Variants in EEF2K observed in about 807,000 individuals in gnomAD.
EEF2K encodes alternative protein EEF2K.
A neutral mutation model predicts 93.8 loss-of-function variants in EEF2K; 70 were observed. The ratio of observed to expected loss-of-function variants is 0.75; its 90% CI spans 0.62 to 0.91. EEF2K has a LOEUF of 0.91. Ranked by LOEUF, EEF2K falls within the 40% of genes least tolerant of loss-of-function variation. The pLI, the probability that EEF2K is intolerant of heterozygous loss-of-function variation, is 0.00. For missense variants in EEF2K, 935 were observed against 972.9 expected, an observed-to-expected ratio of 0.96 and a Z score of 0.52; for synonymous variants, 376 against 380.8, an observed-to-expected ratio of 0.99 and a Z score of 0.15.
chr16:22,243,798 C>G (rs995814721), intron 2 of EEF2K, among the ~76,000 whole-genome samples: 1 of 150,920 alleles, frequency 6.6e-6, no homozygotes, highest in East Asian at 2.0e-4. Context: ...TGGTGTGCAC[C>G]TGTAGGTCCA....
intron 2 of EEF2K, among the ~76,000 whole-genome samples, chr16:22,237,102 G>A (rs1022846150): frequency 1.3e-5 from 2 of 150,968 alleles, no homozygotes; most frequent in African/African-American, 2.4e-5. Flanking sequence ...ACGTCACCAC[G>A]CCCAGCTAAT....
At position 22,264,876 on chromosome 16, in the gene EEF2K, G is replaced by A; in HGVS notation, c.1436G>A (p.Gly479Glu). The A allele has an allele frequency of 6.2e-7, 1 of 1,614,042 alleles. No homozygotes were observed. The highest frequency in any genetic ancestry group is 8.5e-7 in the Non-Finnish European group (1 of 1,179,978). Reference protein sequence around the residue: ...ESDEDSLGSSGRVCVEKWNLL... With the variant: ...ESDEDSLGSSERVCVEKWNLL... ...GACGAAGACAGCCTGGGCAGCTCTG[G>A]ACGGGTAATGCGCCCTGAGGCACCC... Residue 479 changes from glycine to glutamate, a missense_variant, in exon 13 of 18, where the codon GGA (glycine) becomes GAA (glutamate). Coordinates refer to ENST00000263026, the MANE Select transcript of EEF2K (RefSeq NM_013302.5).
intron 16 of EEF2K, among the ~76,000 whole-genome samples, 166 bp downstream of exon 16, chr16:22,273,916 G>A (rs1244368106): frequency 2.0e-5 from 3 of 152,194 alleles, no homozygotes; most frequent in Non-Finnish European, 2.9e-5. Flanking sequence ...TCTTCATATT[G>A]TAAACTGGGA....
chr16:22,242,440 C>T (rs893631979), intron 2 of EEF2K, among the ~76,000 whole-genome samples: 1 of 151,956 alleles, frequency 6.6e-6, no homozygotes, highest in Admixed American at 6.6e-5. Flanking sequence ...CCTGCCTCAG[C>T]CTCCCGAGTA....
At chr16:22,266,305 C>T (rs2047517270) in intron 13 of EEF2K, 85 bp from the exon 14 acceptor site, 1 of 1,517,866 alleles carries the variant, frequency 6.6e-7, no homozygotes, top group Non-Finnish European at 8.8e-7. Flanking sequence ...TCCAGCCAGG[C>T]TCCTGTGTAG....
chr16:22,252,947 A>G (rs538814452), intron 6 of EEF2K, among the ~76,000 whole-genome samples: 37 of 152,262 alleles, frequency 2.4e-4, no homozygotes, highest in Non-Finnish European at 2.8e-4. Flanking sequence ...ATCTCCTACC[A>G]GGTCCCTCCC....
At position 22,220,254 on chromosome 16, in the gene EEF2K, C is replaced by T. The variant is rs140064560; in HGVS notation, c.-76-5400C>T. 7.9e-5 allele frequency among the ~76,000 whole-genome samples: 12 copies of T among 152,318 alleles called. No homozygotes were observed. In the East Asian group the frequency reaches 1.9e-3, roughly 24 times the overall value. ...TATCAAGTGCCTGCTGTGTACAAGG[C>T]GCTGTGCCAGGCAGGGTCACAGCTG... On this transcript the variant is annotated intron_variant, in intron 1 of 17. Coordinates refer to ENST00000263026, the MANE Select transcript of EEF2K (RefSeq NM_013302.5).
At position 22,257,352 on chromosome 16, in the gene EEF2K, G is replaced by A. The variant is rs1244380565; in HGVS notation, c.868G>A (p.Glu290Lys). 1.4e-5 allele frequency: 23 copies of A among 1,614,024 alleles called. No individual in the cohort carries two copies. Among genetic ancestry groups the A allele is most frequent in the Non-Finnish European group, 1.7e-5 (20 of 1,179,992 alleles). Residue 290 changes from glutamate (E) to lysine (K), a missense_variant, in exon 8 of 18, where the codon GAG becomes AAG. Physicochemically the swap from Glu to Lys is moderately conservative, Grantham distance 56. Transcript: ENST00000263026. ...CTACACTGACCCACAGATCCACACG[G>A]AGACGGGCACTGACTTTGGAGACGG... Reference protein sequence around the residue: ...DLYTDPQIHTETGTDFGDGNL... With the variant: ...DLYTDPQIHTKTGTDFGDGNL...
intron 5 of EEF2K, 53 bp from the exon 6 acceptor site, chr16:22,251,098 C>T (rs562798620): frequency 1.9e-6 from 3 of 1,576,722 alleles, no homozygotes; most frequent in East Asian, 4.5e-5. Context: ...AGGGCTGTGT[C>T]CCTGGTGAAC....
In EEF2K at chr16:22,280,218, C is replaced by A. The variant is rs773122094; in HGVS notation, c.1910C>A (p.Ala637Asp). 6.4e-7 allele frequency: 1 copy of A among 1,552,940 alleles called. No individual in the cohort carries two copies. ...GCAAGGTGCCAAGACTGGCTAGAGGCCCTGCACTGGTACAACACTGCCCTG... is the reference window on the plus strand; with the variant it reads ...GCAAGGTGCCAAGACTGGCTAGAGGACCTGCACTGGTACAACACTGCCCTG... ...SPDRCQDWLE[A>D]LHWYNTALEM... Residue 637 changes from alanine (A) to aspartate (D), a missense_variant, in exon 17 of 18, where the codon GCC becomes GAC. Coordinates refer to ENST00000263026, the MANE Select transcript of EEF2K (RefSeq NM_013302.5).
In EEF2K at chr16:22,223,262, G is replaced by GTTTT. The variant is rs58446693; in HGVS notation, c.-76-2377_-76-2374dup. ...ACTTTTTGAGATGTTGTTTTTTTCT[G>GTTTT]TTTTTTTTTTTTTTTTTTGGTTTTG... On this transcript the variant is annotated intron_variant, in intron 1 of 17. Transcript: ENST00000263026. Among the ~76,000 whole-genome samples the GTTTT allele has an allele frequency of 6.1e-4, 66 of 107,448 alleles. 1 individual carries two copies. Among genetic ancestry groups the GTTTT allele is most frequent in the African/African-American group, 2.2e-3 (65 of 29,112 alleles). 70.5% of individuals were successfully genotyped at this position (107,448 alleles called of 152,430 possible).
At chr16:22,263,262 T>C in intron 12 of EEF2K, 75 bp downstream of exon 12, 2 of 1,367,576 alleles carry the variant, frequency 1.5e-6, no homozygotes, top group African/African-American at 1.5e-5. Context: ...AAAACTCCCC[T>C]TCCTGGAGGG....
At position 22,280,276 on chromosome 16, in the gene EEF2K, C is replaced by A; in HGVS notation, c.1968C>A (p.Tyr656Ter). The change falls in exon 17 of 18, where the codon TAC becomes TAA. Residue 656 changes from tyrosine (Y) to a stop codon, truncating the protein, a stop_gained. Coordinates refer to ENST00000263026, the MANE Select transcript of EEF2K (RefSeq NM_013302.5). LOFTEE classifies it high-confidence loss of function. ...EMTDCDEGGE[Y>*]DGMQDEPRYM... ...CGGACTGTGATGAGGGCGGTGAGTA[C>A]GACGGAATGCAGGACGAGCCCCGGT... is the stretch of plus-strand genomic sequence containing the variant. 1 of 1,608,420 alleles carries A rather than the reference C, an allele frequency of 6.2e-7. No homozygotes were observed. Among genetic ancestry groups the A allele is most frequent in the Non-Finnish European group, 8.5e-7 (1 of 1,177,504 alleles).
chr16:22,230,772 G>A (rs2047107374), intron 2 of EEF2K, among the ~76,000 whole-genome samples: 1 of 152,072 alleles, frequency 6.6e-6, no homozygotes, highest in African/African-American at 2.4e-5. Context: ...TATGTGATTT[G>A]ACCTTTTTTG....
At chr16:22,238,549 G>A (rs990447583) in intron 2 of EEF2K, among the ~76,000 whole-genome samples, 1 of 150,940 alleles carries the variant, frequency 6.6e-6, no homozygotes. Context: ...GGGAGGCTGA[G>A]TTGAGAAGAT....
intron 4 of EEF2K, among the ~76,000 whole-genome samples, chr16:22,250,366 G>A (rs547146088): frequency 2.7e-4 from 41 of 152,222 alleles, no homozygotes; most frequent in African/African-American, 8.9e-4. Context: ...CTGGGAAAAC[G>A]TCCTCTGAGA....
Position 22,225,694 on chromosome 16 carries a change from C to A in EEF2K, c.-36C>A. 6.2e-7 allele frequency: 1 copy of A among 1,606,566 alleles called. No individual in the cohort carries two copies. The highest frequency in any genetic ancestry group is 8.5e-7 in the Non-Finnish European group (1 of 1,175,898). ...ATTTGTCCAGTAACTCTGGCTGTGC[C>A]GGATACTGCTTGGGTAAAACGGGCA... On this transcript the variant is annotated 5_prime_UTR_variant, in exon 2 of 18. Transcript: ENST00000263026.
chr16:22,210,427 A>T (rs975874639), intron 1 of EEF2K, among the ~76,000 whole-genome samples: 1 of 152,182 alleles, frequency 6.6e-6, no homozygotes, highest in African/African-American at 2.4e-5. Context: ...ACCCATCCCC[A>T]GAGTTTAATT....
At chr16:22,266,115 G>A (rs1193002715) in intron 13 of EEF2K, among the ~76,000 whole-genome samples, 1 of 152,082 alleles carries the variant, frequency 6.6e-6, no homozygotes, top group South Asian at 2.1e-4. Flanking sequence ...CCAGCTACTC[G>A]GGAAGCTGAG....
Sources: gnomAD v4.1 joint callset for allele counts (sites outside exome capture counted in the v4.1 genomes callset) on GRCh38, gnomAD v4.1.1 for gene constraint, MANE v1.5 for transcripts, NCBI Gene and HGNC (gene_info 2026-07-23, HGNC 2026-07-21) for gene names.